Variants in DPP10 observed in about 807,000 individuals in gnomAD.
The protein encoded by DPP10 is dipeptidyl peptidase like 10.
In DPP10, 33 loss-of-function variants were observed where a neutral mutation model predicts 120.9. The observed-to-expected ratio is 0.27, with a 90% CI of 0.21 to 0.37. The LOEUF is 0.37. DPP10 is among the 10% of genes least tolerant of loss of function. DPP10 has a pLI of 1.00. For synonymous variants in DPP10, 337 were observed against 326.1 expected, an observed-to-expected ratio of 1.03 and a Z score of -0.36; for missense variants, 816 against 942.8, an observed-to-expected ratio of 0.87 and a Z score of 1.76.
intron 1 of DPP10, among the ~76,000 whole-genome samples, chr2:114,505,774 A>T (rs1254260140): frequency 1.3e-5 from 2 of 152,100 alleles, no homozygotes; most frequent in Non-Finnish European, 2.9e-5. Context: ...CCTTCCCTTC[A>T]GTCTTCTCGG....
intron 1 of DPP10, among the ~76,000 whole-genome samples, chr2:115,270,506 G>A (rs529756248): frequency 6.6e-6 from 1 of 152,114 alleles, no homozygotes; most frequent in Non-Finnish European, 1.5e-5. Context: ...CACATGAAGA[G>A]GGGAGCTTAT....
chr2:115,248,804 T>C (rs2058639830), intron 1 of DPP10, among the ~76,000 whole-genome samples: 1 of 152,120 alleles, frequency 6.6e-6, no homozygotes. Context: ...GATGTACCAA[T>C]CATGCTTGTG....
intron 1 of DPP10, among the ~76,000 whole-genome samples, chr2:114,869,600 G>A (rs1008724902): frequency 3.3e-5 from 5 of 152,166 alleles, no homozygotes; most frequent in Non-Finnish European, 5.9e-5. Context: ...CAGGAATCAC[G>A]GGGCTAAAGC....
chr2:114,450,230 T>G (rs1678184249), intron 1 of DPP10, among the ~76,000 whole-genome samples: 1 of 152,174 alleles, frequency 6.6e-6, no homozygotes, highest in Non-Finnish European at 1.5e-5. Context: ...AGCAAACTCC[T>G]ATTCTTACTT....
At chr2:115,651,522 G>C (rs1184469749) in intron 5 of DPP10, among the ~76,000 whole-genome samples, 2 of 152,016 alleles carry the variant, frequency 1.3e-5, no homozygotes. Context: ...GAATTCGAAA[G>C]AAACAGAGGA....
chr2:114,739,659 AC>A (rs1389318420), intron 1 of DPP10, among the ~76,000 whole-genome samples: 1 of 152,178 alleles, frequency 6.6e-6, no homozygotes, highest in Non-Finnish European at 1.5e-5. Context: ...ACTCCATCAC[AC>A]ACACAAAAAA....
intron 4 of DPP10, among the ~76,000 whole-genome samples, chr2:115,523,372 T>C (rs560581865): frequency 3.6e-4 from 41 of 114,740 alleles, no homozygotes; most frequent in African/African-American, 1.3e-3. Flanking sequence ...TCAAATTAAT[T>C]CAGACTTTAG....
chr2:115,467,371 TCAAGAGACCAGCCTGGC>T (rs1259509125), intron 3 of DPP10, among the ~76,000 whole-genome samples: 1 of 151,614 alleles, frequency 6.6e-6, no homozygotes, highest in Admixed American at 6.6e-5. Flanking sequence ...ACCAGCCTGG[TCAAGAGACCAGCCTGGC>T]CAATATGGTG....
At chr2:114,900,776 A>G (rs1023053092) in intron 1 of DPP10, among the ~76,000 whole-genome samples, 2 of 152,202 alleles carry the variant, frequency 1.3e-5, no homozygotes, top group Non-Finnish European at 2.9e-5. Flanking sequence ...TCAAATGTGA[A>G]GGTTAAAAGT....
At chr2:115,483,734 C>G (rs997467231) in intron 3 of DPP10, among the ~76,000 whole-genome samples, 2 of 152,098 alleles carry the variant, frequency 1.3e-5, no homozygotes, top group African/African-American at 4.8e-5. Flanking sequence ...TTCAGCCTTA[C>G]TGGCAGACTT....
intron 5 of DPP10, among the ~76,000 whole-genome samples, chr2:115,622,756 A>T (rs534271626): frequency 6.6e-6 from 1 of 151,422 alleles, no homozygotes; most frequent in African/African-American, 2.4e-5. Flanking sequence ...TGGATCCCTA[A>T]TGATAATAGG....
intron 1 of DPP10, among the ~76,000 whole-genome samples, chr2:114,540,489 A>C (rs1686866357): frequency 6.6e-6 from 1 of 152,216 alleles, no homozygotes; most frequent in Non-Finnish European, 1.5e-5. Flanking sequence ...TCCTATAATA[A>C]TACTGGCCAT....
At position 115,592,818 on chromosome 2, in the gene DPP10, A is replaced by G. The variant is rs183032481; in HGVS notation, c.441+66846A>G. Among the ~76,000 whole-genome samples the G allele has an allele frequency of 5.3e-3, 810 of 152,222 alleles. 5 individuals are homozygous for G. The highest frequency in any genetic ancestry group is 0.019 in the African/African-American group (773 of 41,556). The stretch of plus-strand genomic sequence containing the variant: ...AAAAAAACTGAAAAGTCCTGGGTAT[A>G]TTAATGGAAATTCTCTACAGAGGCA... On this transcript the variant is annotated intron_variant, in intron 5 of 25. Coordinates refer to ENST00000410059, the MANE Select transcript of DPP10 (RefSeq NM_020868.6).
In DPP10 at chr2:114,505,738, C is replaced by T. The variant is rs574108024; in HGVS notation, c.60+62900C>T. Among the ~76,000 whole-genome samples the T allele has an allele frequency of 1.2e-4, 18 of 152,276 alleles. 1 individual carries two copies. The East Asian group carries it at 2.9e-3, about 24-fold the overall frequency. On this transcript the variant is annotated intron_variant, in intron 1 of 25. Transcript: ENST00000410059. ...CACAAAGCCAGCTGCCTGCCCCACA[C>T]CCTGTTCTCTCTGCCACTCTGCTGC...
chr2:115,328,117 G>C (rs1024276034), intron 2 of DPP10, among the ~76,000 whole-genome samples: 2 of 152,048 alleles, frequency 1.3e-5, no homozygotes, highest in Admixed American at 1.3e-4. Flanking sequence ...TAATGTGATA[G>C]AATCAAGCAA....
chr2:115,321,929 A>G (rs2062083939), intron 2 of DPP10, among the ~76,000 whole-genome samples: 1 of 152,016 alleles, frequency 6.6e-6, no homozygotes, highest in Admixed American at 6.6e-5. Flanking sequence ...TTTTTCATAC[A>G]TTGTTATTCT....
intron 1 of DPP10, among the ~76,000 whole-genome samples, chr2:114,477,097 T>A (rs1248670847): frequency 6.6e-6 from 1 of 151,978 alleles, no homozygotes; most frequent in Non-Finnish European, 1.5e-5. Context: ...GTAGCTGGGA[T>A]TATAGGTGCG....
intron 1 of DPP10, among the ~76,000 whole-genome samples, chr2:114,576,873 G>GTT (rs34544318): frequency 1.3e-4 from 19 of 148,894 alleles, no homozygotes; most frequent in Admixed American, 3.4e-4. Flanking sequence ...TGGGAAGAGT[G>GTT]TTTTTTTTTT....
intron 1 of DPP10, among the ~76,000 whole-genome samples, chr2:114,532,416 G>A (rs1356956204): frequency 1.3e-5 from 2 of 150,340 alleles, no homozygotes; most frequent in Non-Finnish European, 3.0e-5. Context: ...TATATAGATA[G>A]CAGAGTGTAT....
Sources: gnomAD v4.1 joint callset for allele counts (sites outside exome capture counted in the v4.1 genomes callset) on GRCh38, gnomAD v4.1.1 for gene constraint, MANE v1.5 for transcripts, NCBI Gene and HGNC (gene_info 2026-07-23, HGNC 2026-07-21) for gene names.